FAT3: variants seen among roughly 807,000 people sequenced by gnomAD.
FAT3 encodes the protein protocadherin Fat 3.
FAT3 carries 95 observed loss-of-function variants against 310.2 expected under a neutral mutation model. The ratio of observed to expected loss-of-function variants is 0.31; its 90% CI spans 0.26 to 0.36. FAT3 has a LOEUF of 0.36. Ranked by LOEUF, FAT3 falls within the 10% of genes least tolerant of loss-of-function variation. The pLI is 1.00. For missense variants in FAT3, 5,408 were observed against 5,715.6 expected, an observed-to-expected ratio of 0.95 and a Z score of 1.74; for synonymous variants, 2,314 against 2,192.9, an observed-to-expected ratio of 1.06 and a Z score of -1.54.
chr11:92,737,159 G>C (rs1034950398), intron 4 of FAT3, among the ~76,000 whole-genome samples: 10 of 152,128 alleles, frequency 6.6e-5, no homozygotes, highest in Admixed American at 3.9e-4. Flanking sequence ...CAAAATGTTT[G>C]GAAAAGCAGA....
chr11:92,516,401 C>T (rs1276930812), intron 2 of FAT3, among the ~76,000 whole-genome samples: 1 of 152,116 alleles, frequency 6.6e-6, no homozygotes, highest in Non-Finnish European at 1.5e-5. Context: ...ATGGTTATCT[C>T]AATAGATGCA....
chr11:92,794,010 G>A (rs980126137), intron 9 of FAT3, among the ~76,000 whole-genome samples: 7 of 151,960 alleles, frequency 4.6e-5, no homozygotes, highest in African/African-American at 1.7e-4. Context: ...TTTTACATGG[G>A]TCTGTGCTAA....
At chr11:92,391,718 C>T (rs1202543797) in intron 2 of FAT3, among the ~76,000 whole-genome samples, 1 of 152,108 alleles carries the variant, frequency 6.6e-6, no homozygotes, top group African/African-American at 2.4e-5. Context: ...ACATTCAAAA[C>T]AGACAGCTCT....
At chr11:92,341,920 T>G (rs1948274128) in intron 1 of FAT3, among the ~76,000 whole-genome samples, 1 of 152,200 alleles carries the variant, frequency 6.6e-6, no homozygotes, top group Non-Finnish European at 1.5e-5. Context: ...TAGCTAATAT[T>G]ATCCCATTTT....
intron 15 of FAT3, 48 bp from the exon 16 acceptor site, chr11:92,836,518 G>A (rs1221612018): frequency 1.9e-6 from 3 of 1,594,462 alleles, no homozygotes; most frequent in Middle Eastern, 1.7e-4. Flanking sequence ...ATCAACCTTT[G>A]CTGCCTTATG....
At chr11:92,501,504 G>A (rs1952936415) in intron 2 of FAT3, among the ~76,000 whole-genome samples, 1 of 152,000 alleles carries the variant, frequency 6.6e-6, no homozygotes, top group South Asian at 2.1e-4. Context: ...GAGACCTAAT[G>A]CCATTAAATG....
intron 3 of FAT3, among the ~76,000 whole-genome samples, chr11:92,559,914 A>G (rs759445225): frequency 4.6e-5 from 7 of 152,210 alleles, no homozygotes; most frequent in Non-Finnish European, 7.3e-5. Flanking sequence ...AAACAAGGAT[A>G]TGAATATATA....
At chr11:92,763,702 T>C (rs535059090) in intron 5 of FAT3, among the ~76,000 whole-genome samples, 60 of 152,258 alleles carry the variant, frequency 3.9e-4, no homozygotes, top group African/African-American at 1.4e-3. Flanking sequence ...GAGCTCCCCA[T>C]GGGATCCCTC....
intron 3 of FAT3, among the ~76,000 whole-genome samples, chr11:92,648,671 T>C (rs1407370036): frequency 6.6e-6 from 1 of 152,146 alleles, no homozygotes; most frequent in African/African-American, 2.4e-5. Flanking sequence ...CACTTTAAGC[T>C]ACATGCTCAT....
At chr11:92,768,313 C>T (rs1327162812) in intron 6 of FAT3, among the ~76,000 whole-genome samples, 3 of 152,172 alleles carry the variant, frequency 2.0e-5, no homozygotes, top group Admixed American at 6.5e-5. Context: ...GATGCCCAAA[C>T]AGAACATGAT....
intron 22 of FAT3, among the ~76,000 whole-genome samples, chr11:92,879,724 A>AT (rs1949629178): frequency 6.6e-6 from 1 of 151,662 alleles, no homozygotes; most frequent in Non-Finnish European, 1.5e-5. Flanking sequence ...AAGGTTTGAA[A>AT]TAAAAAAAAG....
intron 4 of FAT3, among the ~76,000 whole-genome samples, chr11:92,739,783 G>A (rs1945452436): frequency 6.6e-6 from 1 of 152,170 alleles, no homozygotes; most frequent in Non-Finnish European, 1.5e-5. Flanking sequence ...CACATACTCT[G>A]AAACATGGTT....
chr11:92,306,040 T>C (rs1947108266), intron 1 of FAT3, among the ~76,000 whole-genome samples: 1 of 152,170 alleles, frequency 6.6e-6, no homozygotes, highest in South Asian at 2.1e-4. Context: ...AACAAATTTT[T>C]CAACTTTCAG....
Position 92,236,686 on chromosome 11 carries a change from C to A in FAT3, c.-18+11512C>A, listed in dbSNP as rs554939968. 3.3e-5 allele frequency among the ~76,000 whole-genome samples: 5 copies of A among 152,234 alleles called. 1 individual carries two copies. In the South Asian group the frequency reaches 1.0e-3, roughly 32 times the overall value. On this transcript the variant is annotated intron_variant, in intron 1 of 27. Coordinates refer to ENST00000525166, the MANE Select transcript of FAT3 (RefSeq NM_001367949.2). ...TTTATTAAAAATTGGCTCGGAGGTA[C>A]ACTGCACATAATTCATAATATTGGA...
intron 12 of FAT3, among the ~76,000 whole-genome samples, chr11:92,807,568 T>C (rs946082172): frequency 2.0e-5 from 3 of 152,210 alleles, no homozygotes; most frequent in Non-Finnish European, 2.9e-5. Context: ...ATAAATGAAG[T>C]TGTATCACAA....
intron 3 of FAT3, among the ~76,000 whole-genome samples, chr11:92,654,065 T>C (rs1942484679): frequency 1.3e-5 from 2 of 152,252 alleles, no homozygotes; most frequent in South Asian, 2.1e-4. Context: ...TTAGCTTAAC[T>C]ATCTTTCTTT....
At chr11:92,669,901 T>A (rs1467242196) in intron 3 of FAT3, among the ~76,000 whole-genome samples, 1 of 152,194 alleles carries the variant, frequency 6.6e-6, no homozygotes, top group African/African-American at 2.4e-5. Context: ...ACTACTATTA[T>A]TCAAAATAGG....
At chr11:92,528,729 C>A (rs1953965669) in intron 3 of FAT3, among the ~76,000 whole-genome samples, 1 of 152,156 alleles carries the variant, frequency 6.6e-6, no homozygotes, top group Admixed American at 6.5e-5. Context: ...ATTGGTCATC[C>A]AGGCTGAAGT....
intron 2 of FAT3, among the ~76,000 whole-genome samples, chr11:92,442,401 C>CCG (rs1423312690): frequency 2.6e-5 from 4 of 151,036 alleles, no homozygotes; most frequent in African/African-American, 9.7e-5. Flanking sequence ...GCATGAGCCA[C>CCG]CGCGCCTGGC....
Sources: gnomAD v4.1 joint callset for allele counts (sites outside exome capture counted in the v4.1 genomes callset) on GRCh38, gnomAD v4.1.1 for gene constraint, MANE v1.5 for transcripts, NCBI Gene and HGNC (gene_info 2026-07-23, HGNC 2026-07-21) for gene names.